Variants in SRPK2 observed in about 807,000 individuals in gnomAD.
The protein encoded by SRPK2 is SFRS protein kinase 2.
A neutral mutation model predicts 90.8 loss-of-function variants in SRPK2; 21 were observed. That is an observed-to-expected ratio of 0.23 (90% CI 0.16 to 0.33). The LOEUF (loss-of-function observed/expected upper bound fraction) is 0.33, where lower values mean the gene tolerates loss of function less well. Among genes scored for constraint, SRPK2 ranks in the 10% least tolerant of loss-of-function variants. The probability of loss-of-function intolerance (pLI) is 1.00; values close to 1 mark genes in which losing one functional copy is unlikely to be tolerated. For missense variants in SRPK2, 620 were observed against 869.0 expected, an observed-to-expected ratio of 0.71 and a Z score of 3.60; for synonymous variants, 288 against 311.1, an observed-to-expected ratio of 0.93 and a Z score of 0.78.
intron 2 of SRPK2, among the ~76,000 whole-genome samples, chr7:105,241,360 C>G (rs960770456): frequency 1.3e-5 from 2 of 152,146 alleles, no homozygotes; most frequent in Non-Finnish European, 2.9e-5. Flanking sequence ...GAGAAGGTTA[C>G]CTATTTGCCC....
intron 2 of SRPK2, among the ~76,000 whole-genome samples, chr7:105,319,518 G>GGGGGGGGGGT (rs1812690002): frequency 1.3e-5 from 1 of 74,468 alleles, no homozygotes; most frequent in Non-Finnish European, 2.8e-5. Context: ...GGGGGGGGGG[G>GGGGGGGGGGT]CGGTGGATGG....
In SRPK2 at chr7:105,307,964, T is replaced by C. The variant is rs77310482; in HGVS notation, c.71+80684A>G. Reference sequence around the variant, plus strand: ...GGATTCCATCATGTATCTCCTAAGATTGTGGTGAGGTTAACACAAAATAAC... The same window carrying C: ...GGATTCCATCATGTATCTCCTAAGACTGTGGTGAGGTTAACACAAAATAAC... On this transcript the variant is annotated intron_variant, in intron 2 of 15. Transcript: ENST00000393651. Among the ~76,000 whole-genome samples, 973 of 152,316 alleles carry C rather than the reference T, an allele frequency of 6.4e-3. 14 individuals carry two copies. Among genetic ancestry groups the C allele is most frequent in the East Asian group, 0.054 (282 of 5,186 alleles).
chr7:105,243,133 C>G (rs548307844), intron 2 of SRPK2, among the ~76,000 whole-genome samples: 1 of 152,206 alleles, frequency 6.6e-6, no homozygotes, highest in African/African-American at 2.4e-5. Flanking sequence ...TCCAGAGTAG[C>G]TGGGACTCCA....
chr7:105,339,562 C>G (rs1815502576), intron 2 of SRPK2, among the ~76,000 whole-genome samples: 1 of 152,188 alleles, frequency 6.6e-6, no homozygotes, highest in African/African-American at 2.4e-5. Context: ...CACTGAGTGA[C>G]AATGGTCAAT....
intron 6 of SRPK2, among the ~76,000 whole-genome samples, chr7:105,163,644 T>A (rs1281674509): frequency 6.6e-6 from 1 of 151,598 alleles, no homozygotes; most frequent in African/African-American, 2.4e-5. Context: ...AAATAAAAAA[T>A]AAAAAATAAA....
chr7:105,358,678 A>G (rs1818077616), intron 2 of SRPK2, among the ~76,000 whole-genome samples: 1 of 152,032 alleles, frequency 6.6e-6, no homozygotes, highest in African/African-American at 2.4e-5. Context: ...AGAACAAGAG[A>G]CCCTGTCTCA....
chr7:105,321,460 G>GA (rs1171560932), intron 2 of SRPK2, among the ~76,000 whole-genome samples: 4 of 151,880 alleles, frequency 2.6e-5, no homozygotes, highest in African/African-American at 9.7e-5. Context: ...TACAACAAAA[G>GA]AAAAAACTGT....
chr7:105,125,832 C>T (rs1482381352), intron 15 of SRPK2: 4 of 1,295,496 alleles, frequency 3.1e-6, no homozygotes, highest in East Asian at 5.5e-5. Context: ...AGCGTATTTT[C>T]GAGGGACTTT....
intron 2 of SRPK2, among the ~76,000 whole-genome samples, chr7:105,232,580 C>G (rs777978317): frequency 6.8e-6 from 1 of 148,094 alleles, no homozygotes; most frequent in Non-Finnish European, 1.5e-5. Flanking sequence ...CACTTGTAAT[C>G]TAAGTCTCTA....
chr7:105,303,929 T>C (rs1246196989), intron 2 of SRPK2, among the ~76,000 whole-genome samples: 4 of 152,228 alleles, frequency 2.6e-5, no homozygotes, highest in African/African-American at 9.6e-5. Flanking sequence ...TTTGGATCTT[T>C]TGTTAACAGC....
At chr7:105,385,329 C>T (rs1252839681) in intron 2 of SRPK2, among the ~76,000 whole-genome samples, 3 of 151,196 alleles carry the variant, frequency 2.0e-5, no homozygotes, top group African/African-American at 7.3e-5. Context: ...TACAGGCGCC[C>T]GCCACCATGC....
chr7:105,203,596 C>A (rs767356338), intron 3 of SRPK2, 32 bp downstream of exon 3: 5 of 1,460,090 alleles, frequency 3.4e-6, no homozygotes, highest in Non-Finnish European at 3.6e-6. Context: ...ATGGGGAAGG[C>A]AAGCCCCACA....
chr7:105,397,937 C>T lies in SRPK2; in HGVS notation n.153+1219G>A, dbSNP rs117780108. 3.6e-3 allele frequency among the ~76,000 whole-genome samples: 550 copies of T among 152,176 alleles called. 15 individuals are homozygous for T. The East Asian group carries it at 0.067, about 18-fold the overall frequency. ...TGCTGGGATTACAGGTGTGAACCAC[C>T]GCACCCAACCGGTTTTAAAGGAATT... is the stretch of plus-strand genomic sequence containing the variant. On this transcript the variant is annotated intron_variant and non_coding_transcript_variant, in intron 1 of 3. Transcript: ENST00000462282.
At chr7:105,325,907 T>C (rs1229729484) in intron 2 of SRPK2, among the ~76,000 whole-genome samples, 1 of 152,212 alleles carries the variant, frequency 6.6e-6, no homozygotes, top group Non-Finnish European at 1.5e-5. Context: ...TCTGTGGGAC[T>C]ACGACTGAAG....
rs999213679 is a variant in SRPK2, at chr7:105,291,507, T to C, written c.72-87722A>G. ...ACTTTGTGAGGCCGAGGCAGGTGGA[T>C]CACTTGAGTTCAGGAGTTTGAGACC... On this transcript the variant is annotated intron_variant, in intron 2 of 15. Transcript: ENST00000393651. Among the ~76,000 whole-genome samples, 4 of 152,118 alleles carry C rather than the reference T, an allele frequency of 2.6e-5. No homozygotes were observed. The East Asian group carries it at 7.7e-4, about 29-fold the overall frequency.
At chr7:105,252,747 C>T (rs78132302) in intron 2 of SRPK2, among the ~76,000 whole-genome samples, 18 of 130,112 alleles carry the variant, frequency 1.4e-4, no homozygotes, top group Non-Finnish European at 1.4e-4. Context: ...TTTTTTTTTT[C>T]TTTTTTTTTT....
At chr7:105,193,341 G>C (rs1005078450) in intron 3 of SRPK2, among the ~76,000 whole-genome samples, 5 of 152,134 alleles carry the variant, frequency 3.3e-5, no homozygotes, top group East Asian at 3.8e-4. Flanking sequence ...TCAGTTGGCT[G>C]TAAGTATTTG....
intron 5 of SRPK2, among the ~76,000 whole-genome samples, chr7:105,167,798 A>G (rs1026391102): frequency 3.9e-5 from 6 of 151,958 alleles, no homozygotes; most frequent in African/African-American, 1.5e-4. Context: ...TTTAGCAGAG[A>G]TGGGGTTTCA....
At chr7:105,160,347 G>A (rs1054635140) in intron 7 of SRPK2, 160 bp downstream of exon 7, 2 of 426,688 alleles carry the variant, frequency 4.7e-6, no homozygotes, top group Non-Finnish European at 8.4e-6. Flanking sequence ...CTTAATAAGA[G>A]TTCAAAATGT....
Sources: allele counts gnomAD v4.1 joint callset (sites outside exome capture counted in the v4.1 genomes callset), GRCh38; gene constraint gnomAD v4.1.1; transcripts MANE v1.5; gene names NCBI Gene and HGNC (gene_info 2026-07-23, HGNC 2026-07-21).